The following KRT20 variants were observed in gnomAD, a reference collection of about 807,000 sequenced individuals.
The protein encoded by KRT20 is keratin 20.
A neutral mutation model predicts 43.0 loss-of-function variants in KRT20; 41 were observed. The ratio of observed to expected loss-of-function variants is 0.95; its 90% confidence interval spans 0.74 to 1.24. The LOEUF is 1.24. Among genes scored for constraint, KRT20 ranks in the 50% most tolerant of loss-of-function variants. The pLI is 0.00. For synonymous variants in KRT20, 207 were observed against 200.6 expected, an observed-to-expected ratio of 1.03 and a Z score of -0.27; for missense variants, 533 against 521.2, an observed-to-expected ratio of 1.02 and a Z score of -0.22.
chr17:40,885,094 G>C lies in KRT20; in HGVS notation c.92C>G (p.Thr31Arg). Residue 31 changes from threonine to arginine, a missense_variant, in exon 1 of 8, where the codon ACG (threonine) becomes AGG (arginine). Transcript: ENST00000167588. Reference sequence around the variant, plus strand: ...AGCACCCCCATAAACGCTGGGTGTCGTCCCGAGGCGCTGCATGCCCACTGT... The same window carrying C: ...AGCACCCCCATAAACGCTGGGTGTCCTCCCGAGGCGCTGCATGCCCACTGT... Reference protein sequence around the residue: ...VSTVGMQRLGTTPSVYGGAGG... With the variant: ...VSTVGMQRLGRTPSVYGGAGG... The C allele has an allele frequency of 4.3e-6, 7 of 1,614,024 alleles. No individual in the cohort carries two copies. The highest frequency in any genetic ancestry group is 5.9e-6 in the Non-Finnish European group (7 of 1,180,032).
At chr17:40,878,696 C>T (rs192565811) in intron 5 of KRT20, among the ~76,000 whole-genome samples, 2 of 152,322 alleles carry the variant, frequency 1.3e-5, no homozygotes, top group East Asian at 3.9e-4. Context: ...TGATCTGTGG[C>T]ATTTCTCAAT....
At chr17:40,881,959 G>A (rs1237063342) in intron 2 of KRT20, among the ~76,000 whole-genome samples, 4 of 148,630 alleles carry the variant, frequency 2.7e-5, no homozygotes, top group South Asian at 2.1e-4. Flanking sequence ...TGAAACCTCC[G>A]CCTCCCAGGT....
Position 40,878,144 on chromosome 17 carries a change from C to G in KRT20, c.1139+1G>C, listed in dbSNP as rs1300567720. The G allele has an allele frequency of 6.2e-7, 1 of 1,612,604 alleles. No homozygotes were observed. The highest frequency in any genetic ancestry group is 8.5e-7 in the Non-Finnish European group (1 of 1,178,648). On this transcript the variant is annotated splice_donor_variant, in intron 6 of 7. Coordinates refer to ENST00000167588, the MANE Select transcript of KRT20 (RefSeq NM_019010.3). LOFTEE classifies it high-confidence loss of function. Reference sequence around the variant, plus strand: ...CTATTCCTTGATTCTAAGAGCCTTACTTTACGTCTTCTCCTTCCAGAAGGC... The same window carrying G: ...CTATTCCTTGATTCTAAGAGCCTTAGTTTACGTCTTCTCCTTCCAGAAGGC...
chr17:40,879,201 C>A (rs374540877), intron 5 of KRT20, among the ~76,000 whole-genome samples: 1 of 152,136 alleles, frequency 6.6e-6, no homozygotes, highest in Admixed American at 6.5e-5. Flanking sequence ...GGAAATGTCA[C>A]GGTGGATGTA....
intron 5 of KRT20, among the ~76,000 whole-genome samples, chr17:40,879,359 T>C (rs1360357686): frequency 6.6e-6 from 1 of 152,138 alleles, no homozygotes; most frequent in Non-Finnish European, 1.5e-5. Flanking sequence ...TCTGGTATAA[T>C]GGACACATAC....
intron 1 of KRT20, among the ~76,000 whole-genome samples, chr17:40,884,439 T>C (rs1434536892): frequency 6.6e-6 from 1 of 152,302 alleles, no homozygotes; most frequent in East Asian, 1.9e-4. Flanking sequence ...AAGGACTAGG[T>C]GAAAAACTAA....
At chr17:40,884,563 A>G (rs748630803) in intron 1 of KRT20, among the ~76,000 whole-genome samples, 15 of 152,210 alleles carry the variant, frequency 9.9e-5, no homozygotes, top group Non-Finnish European at 1.6e-4. Context: ...GGAGGATAAA[A>G]TGTTCATATT....
chr17:40,878,165 A>G lies in KRT20; in HGVS notation c.1119T>C (p.Leu373=), dbSNP rs752718965. Residue 373 remains leucine (L), a synonymous_variant, in exon 6 of 8, where the codon CTT becomes CTC. Transcript: ENST00000167588. The stretch of plus-strand genomic sequence containing the variant: ...CTTACTTTACGTCTTCTCCTTCCAG[A>G]AGGCGGCGGTAAGTAGCAATTTCCT... ...LEQEIATYRR[L]LEGEDVKTTE... The G allele has an allele frequency of 6.2e-7, 1 of 1,613,946 alleles. No homozygotes were observed. The highest frequency in any genetic ancestry group is 8.5e-7 in the Non-Finnish European group (1 of 1,179,928).
At chr17:40,881,249 G>GTGTGTGTA (rs1907584660) in intron 2 of KRT20, among the ~76,000 whole-genome samples, 1 of 151,792 alleles carries the variant, frequency 6.6e-6, no homozygotes, top group African/African-American at 2.4e-5. Flanking sequence ...GTGTGTGTGT[G>GTGTGTGTA]TGTGTGTGTG....
At chr17:40,883,613 A>G (rs769200670) in intron 1 of KRT20, among the ~76,000 whole-genome samples, 27 of 152,246 alleles carry the variant, frequency 1.8e-4, no homozygotes, top group Non-Finnish European at 3.4e-4. Context: ...TGAAAAATCT[A>G]CTTGCAGAAG....
At chr17:40,877,223 G>C (rs1427958337) in intron 7 of KRT20, among the ~76,000 whole-genome samples, 157 bp downstream of exon 7, 2 of 152,170 alleles carry the variant, frequency 1.3e-5, no homozygotes, top group Admixed American at 1.3e-4. Flanking sequence ...TGTGAGCCAA[G>C]TAAACGTCTA....
intron 5 of KRT20, among the ~76,000 whole-genome samples, chr17:40,878,580 A>T (rs946049155): frequency 6.6e-6 from 1 of 152,056 alleles, no homozygotes; most frequent in Non-Finnish European, 1.5e-5. Context: ...GTAGCTTTGC[A>T]CCTACTGTTC....
chr17:40,877,280 A>G, intron 7 of KRT20, 100 bp downstream of exon 7: 2 of 798,728 alleles, frequency 2.5e-6, no homozygotes, highest in Middle Eastern at 2.3e-4. Flanking sequence ...CAGCAGCAGA[A>G]AACAGACTAA....
In KRT20 at chr17:40,876,241, T is replaced by G; in HGVS notation, c.*120A>C. ...AATAGGATTCCCGCCACCCCACCCC[T>G]TCTAATCACTGCAGAGTATTAATAG... On this transcript the variant is annotated 3_prime_UTR_variant, in exon 8 of 8. Coordinates refer to ENST00000167588, the MANE Select transcript of KRT20 (RefSeq NM_019010.3). 1 of 512,628 alleles carries G rather than the reference T, an allele frequency of 2.0e-6. No individual in the cohort carries two copies. The highest frequency in any genetic ancestry group is 3.6e-6 in the Non-Finnish European group (1 of 275,572). The allele number at this position is 512,628 out of a possible 1,614,324, so 31.8% of individuals were successfully genotyped here. A position where few individuals can be genotyped will look rare whatever the true frequency, so the allele number is the denominator to read the frequency against.
At position 40,880,548 on chromosome 17, in the gene KRT20, T is replaced by C. The variant is rs1010700508; in HGVS notation, c.630+66A>G. On this transcript the variant is annotated intron_variant, in intron 3 of 7. Coordinates refer to ENST00000167588, the MANE Select transcript of KRT20 (RefSeq NM_019010.3). ...CCCCTTCTCCTGTTTCTCCCGCTCC[T>C]CCTATTATTAGTATTATATAGAACC... The C allele has an allele frequency of 2.9e-6, 4 of 1,397,984 alleles. No homozygotes were observed. The African/African-American group carries it at 5.7e-5, about 20-fold the overall frequency. 86.6% of individuals were successfully genotyped at this position (1,397,984 alleles called of 1,614,324 possible).
At chr17:40,878,118 C>T in intron 6 of KRT20, 27 bp downstream of exon 6, 1 of 1,560,352 alleles carries the variant, frequency 6.4e-7, no homozygotes. Context: ...GATATTGACA[C>T]CTATTCCTTG....
chr17:40,880,862 G>T, intron 2 of KRT20, 92 bp from the exon 3 acceptor site: 1 of 951,806 alleles, frequency 1.1e-6, no homozygotes, highest in Non-Finnish European at 1.5e-6. Context: ...TTTAAATGTG[G>T]CTTATGAGGA....
rs764495300 is a variant in KRT20 at position 40,885,052 on chromosome 17, C to T, written c.134G>A (p.Arg45His). ...VYGGAGGRGI[R>H]ISNSRHTVNY... ...CACCGTGTGTCTGGAGTTGGAGATG[C>T]GGATGCCCCGGCCTCCAGCACCCCC... Residue 45 changes from arginine (R) to histidine (H), a missense_variant, in exon 1 of 8, where the codon CGC (arginine) becomes CAC (histidine). Arg to His is a conservative substitution (Grantham distance 29). Transcript: ENST00000167588. 1.6e-5 allele frequency: 26 copies of T among 1,614,054 alleles called. No individual in the cohort carries two copies. Among genetic ancestry groups the T allele is most frequent in the African/African-American group, 2.7e-5 (2 of 74,918 alleles).
At chr17:40,878,602 C>A (rs143442371) in intron 5 of KRT20, among the ~76,000 whole-genome samples, 2 of 152,028 alleles carry the variant, frequency 1.3e-5, no homozygotes, top group East Asian at 1.9e-4. Flanking sequence ...TTCAGTGCGG[C>A]GCATTGTAGC....
Sources: gnomAD v4.1 joint callset for allele counts (sites outside exome capture counted in the v4.1 genomes callset) on GRCh38, gnomAD v4.1.1 for gene constraint, MANE v1.5 for transcripts, NCBI Gene and HGNC (gene_info 2026-07-23, HGNC 2026-07-21) for gene names.